OTOL1: variants seen among roughly 807,000 people sequenced by gnomAD.
OTOL1 encodes otolin 1, also known as otolin-1.
In OTOL1, 31 loss-of-function variants were observed where a neutral mutation model predicts 25.0. The observed-to-expected ratio is 1.24, with a 90% confidence interval of 0.93 to 1.67. The LOEUF is 1.67. Ranked by LOEUF, OTOL1 falls within the 40% of genes most tolerant of loss-of-function variation. OTOL1 has a pLI of 0.00. For synonymous variants in OTOL1, 225 were observed against 210.3 expected, an observed-to-expected ratio of 1.07 and a Z score of -0.61; for missense variants, 654 against 587.7, an observed-to-expected ratio of 1.11 and a Z score of -1.17.
intron 1 of OTOL1, among the ~76,000 whole-genome samples, chr3:161,497,419 C>G (rs370780910): frequency 2.5e-4 from 38 of 152,190 alleles, no homozygotes; most frequent in African/African-American, 8.7e-4. Context: ...AGTTCAAGTG[C>G]TCAACAGCCA....
At chr3:161,497,754 G>C (rs749122880) in intron 1 of OTOL1, among the ~76,000 whole-genome samples, 23 of 141,182 alleles carry the variant, frequency 1.6e-4, no homozygotes, top group African/African-American at 5.8e-4. Context: ...AGGCAATACT[G>C]TGTCATTGCC....
At chr3:161,500,238 G>A (rs192655937) in intron 2 of OTOL1, among the ~76,000 whole-genome samples, 1 of 152,232 alleles carries the variant, frequency 6.6e-6, no homozygotes, top group East Asian at 1.9e-4. Context: ...AAAATGCTAA[G>A]GGAAGAGAGA....
At chr3:161,499,050 G>T in intron 1 of OTOL1, 121 bp from the exon 2 acceptor site, 1 of 798,934 alleles carries the variant, frequency 1.3e-6, no homozygotes, top group Non-Finnish European at 2.0e-6. Flanking sequence ...TTCTTACTCA[G>T]ATTTTACCAT....
At chr3:161,501,292 T>A (rs941883822) in intron 2 of OTOL1, among the ~76,000 whole-genome samples, 1 of 152,126 alleles carries the variant, frequency 6.6e-6, no homozygotes, top group African/African-American at 2.4e-5. Flanking sequence ...AGGTAAGAGC[T>A]TTGAACAGTA....
At position 161,503,473 on chromosome 3, in the gene OTOL1, C is replaced by T. The variant is rs1719029543; in HGVS notation, c.965C>T (p.Thr322Ile). The T allele has an allele frequency of 2.5e-6, 4 of 1,613,542 alleles. No homozygotes were observed. Among genetic ancestry groups the T allele is most frequent in the East Asian group, 4.5e-5 (2 of 44,798 alleles). Reference protein sequence around the residue: ...DIGNKGVRGPTGKKGSRGFKG... With the variant: ...DIGNKGVRGPIGKKGSRGFKG... ...GGCAACAAAGGGGTCCGAGGCCCCA[C>T]TGGGAAGAAGGGCTCTCGGGGCTTT... Residue 322 changes from threonine to isoleucine, a missense_variant, in exon 4 of 4, where the codon ACT becomes ATT. By Grantham distance (89) the Thr-to-Ile change is moderately conservative (BLOSUM62 -1). Coordinates refer to ENST00000327928, the MANE Select transcript of OTOL1 (RefSeq NM_001080440.1).
chr3:161,502,104 G>A (rs1326028252), intron 2 of OTOL1, among the ~76,000 whole-genome samples: 2 of 152,210 alleles, frequency 1.3e-5, no homozygotes, highest in Non-Finnish European at 2.9e-5. Flanking sequence ...CTGACCTCAG[G>A]TGATCCACCC....
At position 161,503,281 on chromosome 3, in the gene OTOL1, A is replaced by AG. The variant is rs753667291; in HGVS notation, c.779dup (p.Met261TyrfsTer7). 5.2e-6 allele frequency: 7 copies of AG among 1,341,720 alleles called. No individual in the cohort carries two copies. The highest frequency in any genetic ancestry group is 3.3e-5 in the East Asian group (1 of 29,994). 83.1% of individuals were successfully genotyped at this position (1,341,720 alleles called of 1,614,324 possible). ...AGGGGAGGAAAAGGACAGAAAGGTG[A>AG]GGGGGGTATGAAAGGGGAAAAAGGT... is the stretch of plus-strand genomic sequence containing the variant. On this transcript the variant is annotated frameshift_variant, in exon 4 of 4. Transcript: ENST00000327928. LOFTEE classifies it low-confidence loss of function (END_TRUNC).
rs566886178 is a variant in OTOL1, at chr3:161,500,960, A to G, written c.455-1347A>G. On this transcript the variant is annotated intron_variant, in intron 2 of 3. Coordinates refer to ENST00000327928, the MANE Select transcript of OTOL1 (RefSeq NM_001080440.1). ...TGGCTTAGGATTTATTTTTTCCCTCACAAAAATAAAACAAAAGATGTTAGT... is the reference window on the plus strand; with the variant it reads ...TGGCTTAGGATTTATTTTTTCCCTCGCAAAAATAAAACAAAAGATGTTAGT... Among the ~76,000 whole-genome samples, 9 of 135,410 alleles carry G rather than the reference A, an allele frequency of 6.6e-5. No individual in the cohort carries two copies. The East Asian group carries it at 1.9e-3, about 29-fold the overall frequency. The allele number at this position is 135,410 out of a possible 152,430, so 88.8% of individuals were successfully genotyped here.
rs756635297 is a variant in OTOL1, at chr3:161,503,760, ACT to A, written c.1257_1258del (p.Tyr420TrpfsTer24). 6.2e-7 allele frequency: 1 copy of A among 1,613,868 alleles called. No homozygotes were observed. Among genetic ancestry groups the A allele is most frequent in the Admixed American group, 1.7e-5 (1 of 60,010 alleles). On this transcript the variant is annotated frameshift_variant, in exon 4 of 4. Transcript: ENST00000327928. LOFTEE classifies it high-confidence loss of function. ...QNKKQFKSRETLYGQEIDQAS... is the reference protein window; with the variant it reads ...QNKKQFKSREXLYGQEIDQAS... Reference sequence around the variant, plus strand: ...TAAGAAGCAGTTCAAGTCCAGAGAAACTCTCTATGGTCAGGAAATAGACCAGG... The same window carrying A: ...TAAGAAGCAGTTCAAGTCCAGAGAAACTCTATGGTCAGGAAATAGACCAGG...
intron 2 of OTOL1, among the ~76,000 whole-genome samples, chr3:161,501,371 A>G (rs1202235822): frequency 1.3e-5 from 2 of 152,076 alleles, no homozygotes; most frequent in East Asian, 1.9e-4. Context: ...ATGGTAATTT[A>G]TAGTTGAAAT....
intron 2 of OTOL1, among the ~76,000 whole-genome samples, chr3:161,500,585 T>C (rs1054035167): frequency 1.3e-5 from 2 of 152,176 alleles, no homozygotes; most frequent in Non-Finnish European, 2.9e-5. Context: ...ATGAGTTGAA[T>C]GATTCCATTC....
At chr3:161,502,131 G>A (rs1259628908) in intron 2 of OTOL1, among the ~76,000 whole-genome samples, 176 bp from the exon 3 acceptor site, 3 of 152,230 alleles carry the variant, frequency 2.0e-5, no homozygotes, top group Non-Finnish European at 2.9e-5. Context: ...GCCTCCCACA[G>A]TGTTGGGATT....
At chr3:161,498,343 C>G (rs1045128397) in intron 1 of OTOL1, among the ~76,000 whole-genome samples, 2 of 152,100 alleles carry the variant, frequency 1.3e-5, no homozygotes, top group African/African-American at 4.8e-5. Context: ...ATTCTCTCCT[C>G]TAAATATATA....
chr3:161,501,324 A>G (rs1228774489), intron 2 of OTOL1, among the ~76,000 whole-genome samples: 1 of 152,178 alleles, frequency 6.6e-6, no homozygotes, highest in African/African-American at 2.4e-5. Context: ...TAAATGTGTA[A>G]TAAGAGTGAG....
At position 161,503,150 on chromosome 3, in the gene OTOL1, G is replaced by T; in HGVS notation, c.642G>T (p.Met214Ile). The change falls in exon 4 of 4, where the codon ATG becomes ATT. Residue 214 changes from methionine (M) to isoleucine (I), a missense_variant. Met to Ile is a conservative substitution (Grantham distance 10). Transcript: ENST00000327928. ...GAGAAAAAGGAGACCAAGGGGCTAT[G>T]GGCTCACCTGGCCTGCACGGAGGGC... ...TKGEKGDQGA[M>I]GSPGLHGGPG... 6.8e-7 allele frequency: 1 copy of T among 1,463,676 alleles called. No homozygotes were observed. Among genetic ancestry groups the T allele is most frequent in the East Asian group, 2.5e-5 (1 of 40,090 alleles). The allele number at this position is 1,463,676 out of a possible 1,614,324, so 90.7% of individuals were successfully genotyped here.
intron 2 of OTOL1, among the ~76,000 whole-genome samples, chr3:161,501,290 G>A (rs1388571655): frequency 6.6e-6 from 1 of 152,246 alleles, no homozygotes; most frequent in Middle Eastern, 3.4e-3. Flanking sequence ...AAAGGTAAGA[G>A]CTTTGAACAG....
chr3:161,497,237 C>A, intron 1 of OTOL1, 66 bp downstream of exon 1: 2 of 1,524,720 alleles, frequency 1.3e-6, no homozygotes, highest in East Asian at 2.3e-5. Flanking sequence ...GGTAGGTTGT[C>A]GGGTGAAATT....
Position 161,503,714 on chromosome 3 carries a change from A to G in OTOL1, c.1206A>G (p.Arg402=). 6.2e-7 allele frequency: 1 copy of G among 1,613,764 alleles called. No individual in the cohort carries two copies. The highest frequency in any genetic ancestry group is 2.2e-5 in the East Asian group (1 of 44,846). The change falls in exon 4 of 4, where the codon CGA becomes CGG. Residue 402 remains arginine (R), a synonymous_variant. Coordinates refer to ENST00000327928, the MANE Select transcript of OTOL1 (RefSeq NM_001080440.1). ...YHITVRGRPA[R]ISLVAQNKKQ... Reference sequence around the variant, plus strand: ...TTACGGTGAGGGGGCGACCTGCTCGAATCAGTCTGGTGGCCCAGAATAAGA... The same window carrying G: ...TTACGGTGAGGGGGCGACCTGCTCGGATCAGTCTGGTGGCCCAGAATAAGA...
intron 2 of OTOL1, 109 bp downstream of exon 2, chr3:161,499,369 T>A: frequency 1.3e-6 from 1 of 745,766 alleles, no homozygotes; most frequent in South Asian, 1.9e-5. Flanking sequence ...ATTTTAAAAA[T>A]GTAAATACTT....
Sources: gnomAD v4.1 joint callset for allele counts (sites outside exome capture counted in the v4.1 genomes callset) on GRCh38, gnomAD v4.1.1 for gene constraint, MANE v1.5 for transcripts, NCBI Gene and HGNC (gene_info 2026-07-23, HGNC 2026-07-21) for gene names.